PUS10: variants seen among roughly 807,000 people sequenced by gnomAD.
The protein encoded by PUS10 is tRNA pseudouridine synthase Pus10.
A neutral mutation model predicts 75.0 loss-of-function variants in PUS10; 59 were observed. The observed-to-expected ratio is 0.79, with a 90% CI of 0.64 to 0.98. The LOEUF (loss-of-function observed/expected upper bound fraction) is 0.98, where lower values mean the gene tolerates loss of function less well. Ranked by LOEUF, PUS10 falls within the 50% of genes least tolerant of loss-of-function variation. The probability of loss-of-function intolerance (pLI) is 0.00; values close to 1 mark genes in which losing one functional copy is unlikely to be tolerated. For missense variants in PUS10, 650 were observed against 614.4 expected, an observed-to-expected ratio of 1.06 and a Z score of -0.61; for synonymous variants, 219 against 211.6, an observed-to-expected ratio of 1.03 and a Z score of -0.30.
chr2:60,962,222 T>C (rs746052997), intron 9 of PUS10, among the ~76,000 whole-genome samples: 2 of 152,196 alleles, frequency 1.3e-5, no homozygotes, highest in East Asian at 1.9e-4. Flanking sequence ...ATTACTAGCT[T>C]AGGCAAGTCA....
chr2:60,955,058 G>A lies in PUS10; in HGVS notation c.1017C>T (p.Ser339=), dbSNP rs779134696. The part of the protein sequence containing the change: ...VFKAESFNFS[S]SGREDVDVRT... ...TCACATCTACATCTTCTCTTCCAGA[G>A]GATGAAAAATTAAAACCTTTGAAAA... Residue 339 remains serine (S), a synonymous_variant, in exon 12 of 18, where the codon TCC becomes TCT. Transcript: ENST00000316752. The A allele has an allele frequency of 8.2e-6, 13 of 1,592,834 alleles. No homozygotes were observed. Among genetic ancestry groups the A allele is most frequent in the African/African-American group, 8.1e-5 (6 of 74,390 alleles).
chr2:60,979,537 C>A (rs1460497519), intron 4 of PUS10, among the ~76,000 whole-genome samples: 1 of 152,156 alleles, frequency 6.6e-6, no homozygotes, highest in African/African-American at 2.4e-5. Context: ...ATCTCCTCAC[C>A]CCCGCCACCT....
chr2:60,986,462 T>C (rs1677730677), intron 4 of PUS10, among the ~76,000 whole-genome samples: 1 of 152,226 alleles, frequency 6.6e-6, no homozygotes, highest in Non-Finnish European at 1.5e-5. Context: ...AATGAATGCT[T>C]TGTAAACTGT....
At position 61,018,226 on chromosome 2, in the gene PUS10, G is replaced by T; in HGVS notation, c.-234C>A. ...AGCAGTTGAGAGCGGCATTTGTCCAGCCACGGCATCGACAGGGAGCAAAGT... is the reference window on the plus strand; with the variant it reads ...AGCAGTTGAGAGCGGCATTTGTCCATCCACGGCATCGACAGGGAGCAAAGT... On this transcript the variant is annotated 5_prime_UTR_variant, in exon 1 of 18. In the 5' UTR this introduces an upstream ATG that the reference lacks. Transcript: ENST00000316752. The T allele has an allele frequency of 1.3e-6, 2 of 1,551,022 alleles. No homozygotes were observed. The highest frequency in any genetic ancestry group is 2.4e-5 in the East Asian group (1 of 41,052).
At chr2:61,012,738 G>A (rs530074813) in intron 1 of PUS10, among the ~76,000 whole-genome samples, 193 of 145,782 alleles carry the variant, frequency 1.3e-3, no homozygotes, top group African/African-American at 4.6e-3. Context: ...GGAGGCTGAG[G>A]CAGGAGAATC....
chr2:61,015,614 G>A (rs957230452), intron 1 of PUS10, among the ~76,000 whole-genome samples: 4 of 152,244 alleles, frequency 2.6e-5, no homozygotes, highest in Middle Eastern at 6.8e-3. Context: ...CAGGAGAATC[G>A]CCCGAACCCA....
chr2:60,947,625 A>C (rs1017574882), intron 16 of PUS10, among the ~76,000 whole-genome samples: 4 of 152,086 alleles, frequency 2.6e-5, no homozygotes, highest in Admixed American at 1.3e-4. Context: ...GTCAGGAGAT[A>C]GAGACCATCC....
intron 4 of PUS10, among the ~76,000 whole-genome samples, chr2:60,990,744 C>A (rs1158153766): frequency 1.3e-5 from 2 of 151,904 alleles, no homozygotes; most frequent in African/African-American, 4.8e-5. Context: ...TCCAAATTTT[C>A]TTTTCTTTTC....
At chr2:61,002,221 T>C (rs1238200954) in intron 4 of PUS10, among the ~76,000 whole-genome samples, 2 of 152,238 alleles carry the variant, frequency 1.3e-5, no homozygotes, top group African/African-American at 2.4e-5. Flanking sequence ...GTGAGTCTCA[T>C]GCATGTTAGA....
intron 4 of PUS10, among the ~76,000 whole-genome samples, chr2:60,987,348 T>C (rs907525597): frequency 3.3e-5 from 5 of 151,892 alleles, no homozygotes; most frequent in Non-Finnish European, 7.3e-5. Context: ...CCTGCCACTA[T>C]CTTTATTAGG....
intron 4 of PUS10, among the ~76,000 whole-genome samples, chr2:60,972,724 C>T (rs916406958): frequency 6.6e-6 from 1 of 152,174 alleles, no homozygotes; most frequent in Non-Finnish European, 1.5e-5. Flanking sequence ...CTTCAAGACA[C>T]GGCTTAATTT....
chr2:60,945,846 AT>A (rs1401856187), intron 16 of PUS10, among the ~76,000 whole-genome samples: 1 of 152,198 alleles, frequency 6.6e-6, no homozygotes, highest in African/African-American at 2.4e-5. Flanking sequence ...TATCTAAAAG[AT>A]TTGTTTTTGC....
Position 61,008,923 on chromosome 2 carries a change from C to A in PUS10, c.219G>T (p.Leu73=). The A allele has an allele frequency of 6.2e-7, 1 of 1,613,768 alleles. No homozygotes were observed. The highest frequency in any genetic ancestry group is 1.7e-5 in the Admixed American group (1 of 60,024). ...TATCAATACTATCTTCCAGTTCTTG[C>A]AGTCGAATTTTCTTGGGAGGTGGGT... ...VMNPPPKKIR[L]QELEDSIDNL... is the part of the protein sequence containing the mutation. The change falls in exon 3 of 18, where the codon CTG becomes CTT. Residue 73 remains leucine (L), a synonymous_variant. Coordinates refer to ENST00000316752, the MANE Select transcript of PUS10 (RefSeq NM_144709.4).
intron 10 of PUS10, among the ~76,000 whole-genome samples, chr2:60,961,011 A>T (rs1675997611): frequency 6.6e-6 from 1 of 152,200 alleles, no homozygotes; most frequent in Non-Finnish European, 1.5e-5. Flanking sequence ...TCAAACAAAA[A>T]TTTGTCTGCC....
chr2:61,007,542 G>C (rs1000539410), intron 3 of PUS10, among the ~76,000 whole-genome samples: 2 of 152,128 alleles, frequency 1.3e-5, no homozygotes, highest in African/African-American at 4.8e-5. Flanking sequence ...GCCAAGTCAG[G>C]CGGATCACCT....
chr2:60,986,303 C>G (rs1677721564), intron 4 of PUS10, among the ~76,000 whole-genome samples: 1 of 152,148 alleles, frequency 6.6e-6, no homozygotes, highest in African/African-American at 2.4e-5. Flanking sequence ...GTTTAAGTTA[C>G]CACATGCATT....
chr2:60,988,082 C>G (rs1265420490), intron 4 of PUS10, among the ~76,000 whole-genome samples: 1 of 151,890 alleles, frequency 6.6e-6, no homozygotes, highest in Non-Finnish European at 1.5e-5. Context: ...GAGCAAGACT[C>G]CGTCTAAAAT....
chr2:60,973,799 G>A (rs1449143057), intron 4 of PUS10, among the ~76,000 whole-genome samples: 2 of 152,198 alleles, frequency 1.3e-5, no homozygotes, highest in African/African-American at 4.8e-5. Context: ...CCTTTTTCCA[G>A]GCCCACCCAT....
At chr2:60,954,025 T>C (rs777558502) in intron 13 of PUS10, 37 bp from the exon 14 acceptor site, 4 of 1,610,120 alleles carry the variant, frequency 2.5e-6, no homozygotes, top group Non-Finnish European at 3.4e-6. Flanking sequence ...TTAGCAAGTC[T>C]AGCTCAGTTA....
Sources: allele counts gnomAD v4.1 joint callset (sites outside exome capture counted in the v4.1 genomes callset), GRCh38; gene constraint gnomAD v4.1.1; transcripts MANE v1.5; gene names NCBI Gene and HGNC (gene_info 2026-07-23, HGNC 2026-07-21).